The following SLC29A3 variants were observed in gnomAD, a reference collection of about 807,000 sequenced individuals.
SLC29A3 encodes equilibrative nucleoside transporter 3.
SLC29A3 carries 18 observed loss-of-function variants against 25.4 expected under a neutral mutation model. The ratio of observed to expected loss-of-function variants is 0.71; its 90% CI spans 0.49 to 1.05. SLC29A3 has a LOEUF of 1.05. Ranked by LOEUF, SLC29A3 falls within the 50% of genes least tolerant of loss-of-function variation. SLC29A3 has a pLI of 0.00. For synonymous variants in SLC29A3, 258 were observed against 267.1 expected, an observed-to-expected ratio of 0.97 and a Z score of 0.33; for missense variants, 586 against 609.0, an observed-to-expected ratio of 0.96 and a Z score of 0.40.
At chr10:71,367,648 C>T (rs575228871), downstream of SLC29A3, among the ~76,000 whole-genome samples, 31 of 152,354 alleles carry the variant, frequency 2.0e-4, no homozygotes, top group Non-Finnish European at 4.6e-4. Context: ...GCGAACTCAA[C>T]TTCAGGCTTC....
At chr10:71,363,801 CCTTTTTCTTTTCTTTT>C (rs1306665510), downstream of SLC29A3, among the ~76,000 whole-genome samples, 6 of 15,046 alleles carry the variant, frequency 4.0e-4, no homozygotes, top group Admixed American at 2.2e-3. Flanking sequence ...TTCTTTTTTT[CCTTTTTCTTTTCTTTT>C]TTTTTTTTTT....
chr10:71,340,686 G>A (rs1007996302), intron 2 of SLC29A3, among the ~76,000 whole-genome samples: 1 of 152,214 alleles, frequency 6.6e-6, no homozygotes, highest in African/African-American at 2.4e-5. Context: ...GTTTGGAGCT[G>A]TATTCAAATG....
intron 5 of SLC29A3, among the ~76,000 whole-genome samples, chr10:71,356,806 C>T (rs1040379381): frequency 1.3e-5 from 2 of 152,198 alleles, no homozygotes; most frequent in African/African-American, 2.4e-5. Flanking sequence ...GCCTGGGTGA[C>T]GGCAAGACCC....
At chr10:71,379,533 G>A (rs1036370137) in intron 4 of SLC29A3, among the ~76,000 whole-genome samples, 3 of 152,164 alleles carry the variant, frequency 2.0e-5, no homozygotes, top group Non-Finnish European at 4.4e-5. Context: ...CTATCATTCT[G>A]TCTCCCTGTC....
chr10:71,356,011 A>G, intron 4 of SLC29A3, 70 bp from the exon 5 acceptor site: 1 of 1,560,248 alleles, frequency 6.4e-7, no homozygotes, highest in Non-Finnish European at 8.8e-7. Flanking sequence ...AAACCCAAGC[A>G]GGGAGGGGCC....
intron 2 of SLC29A3, among the ~76,000 whole-genome samples, chr10:71,340,176 C>T (rs781678283): frequency 6.6e-6 from 1 of 152,210 alleles, no homozygotes; most frequent in South Asian, 2.1e-4. Context: ...ATGTCTTTGC[C>T]CTGCATCCAC....
intron 4 of SLC29A3, among the ~76,000 whole-genome samples, chr10:71,354,588 C>T (rs975073113): frequency 2.0e-5 from 3 of 152,172 alleles, no homozygotes; most frequent in African/African-American, 4.8e-5. Flanking sequence ...CCCTCTGCTT[C>T]GTGCAATAGT....
chr10:71,370,932 A>G (rs1057304875), intron 3 of SLC29A3, among the ~76,000 whole-genome samples: 1 of 151,984 alleles, frequency 6.6e-6, no homozygotes, highest in Non-Finnish European at 1.5e-5. Context: ...AAACATCTAA[A>G]TTATTTTATT....
chr10:71,372,657 A>G (rs368440678), intron 3 of SLC29A3, among the ~76,000 whole-genome samples: 1 of 152,208 alleles, frequency 6.6e-6, no homozygotes, highest in Admixed American at 6.5e-5. Flanking sequence ...TGAGGGCTTC[A>G]TCTGCTGCTG....
At chr10:71,326,862 C>T (rs997651037) in intron 2 of SLC29A3, among the ~76,000 whole-genome samples, 1 of 152,222 alleles carries the variant, frequency 6.6e-6, no homozygotes. Flanking sequence ...AGACCTGTCA[C>T]CCCTCGATTC....
chr10:71,333,157 G>T (rs1250563492), intron 2 of SLC29A3, among the ~76,000 whole-genome samples: 1 of 152,230 alleles, frequency 6.6e-6, no homozygotes, highest in Non-Finnish European at 1.5e-5. Flanking sequence ...CCACCAAGGA[G>T]CCCAGCGCTT....
intron 2 of SLC29A3, among the ~76,000 whole-genome samples, chr10:71,335,325 C>T (rs868373777): frequency 5.9e-5 from 9 of 152,206 alleles, no homozygotes; most frequent in African/African-American, 1.9e-4. Context: ...CTTGCCTCCA[C>T]GCGCCCCATC....
intron 3 of SLC29A3, 102 bp downstream of exon 3, chr10:71,344,393 G>T: frequency 1.2e-6 from 1 of 860,086 alleles, no homozygotes; most frequent in African/African-American, 1.6e-5. Flanking sequence ...CTTAAGTGGT[G>T]GTCACCAAAG....
chr10:71,373,154 T>C (rs1260672214), intron 3 of SLC29A3, among the ~76,000 whole-genome samples: 3 of 152,152 alleles, frequency 2.0e-5, no homozygotes, highest in Admixed American at 6.5e-5. Context: ...TTGCTGAGAC[T>C]CAAAAAGGGG....
At chr10:71,372,926 G>A (rs1847222365) in intron 3 of SLC29A3, among the ~76,000 whole-genome samples, 1 of 152,114 alleles carries the variant, frequency 6.6e-6, no homozygotes, top group Non-Finnish European at 1.5e-5. Context: ...GGGCGGGGGC[G>A]AGACAGTGAG....
chr10:71,375,142 C>T (rs1847240693), intron 3 of SLC29A3, among the ~76,000 whole-genome samples: 1 of 152,174 alleles, frequency 6.6e-6, no homozygotes, highest in African/African-American at 2.4e-5. Context: ...TTATCCTGCT[C>T]TTAGATCCAT....
intron 3 of SLC29A3, 139 bp downstream of exon 3, chr10:71,344,430 A>G: frequency 1.4e-6 from 1 of 715,620 alleles, no homozygotes. Context: ...AGATTTATGC[A>G]TGAAGAGTGA....
rs546459068 is a variant in SLC29A3, at chr10:71,328,102, G to A, written c.300+5048G>A. On this transcript the variant is annotated intron_variant, in intron 2 of 5. Coordinates refer to ENST00000373189, the MANE Select transcript of SLC29A3 (RefSeq NM_018344.6). ...AGCCGCTCTCTACACCTTCCTTCCT[G>A]TGTACCTCGGTCTGCCCAGGGACTC... 8.5e-5 allele frequency among the ~76,000 whole-genome samples: 13 copies of A among 152,298 alleles called. No homozygotes were observed. The East Asian group carries it at 1.2e-3, about 14-fold the overall frequency.
chr10:71,362,203 G>A lies in SLC29A3; in HGVS notation c.1023G>A (p.Trp341Ter). ...TCAACAAGGGTTCGGGCTCACTGTG[G>A]ACCACCAAGTTTTTCATCCCCCTCA... ...ESLNKGSGSL[W>*]TTKFFIPLTT... is the part of the protein sequence containing the mutation. Residue 341 changes from tryptophan to a stop codon, truncating the protein, a stop_gained, in exon 6 of 6, where the codon TGG (tryptophan) becomes TGA (stop). Transcript: ENST00000373189. LOFTEE classifies it high-confidence loss of function. 6.2e-7 allele frequency: 1 copy of A among 1,614,086 alleles called. No individual in the cohort carries two copies. The highest frequency in any genetic ancestry group is 1.1e-5 in the South Asian group (1 of 91,076).
Sources: allele counts gnomAD v4.1 joint callset (sites outside exome capture counted in the v4.1 genomes callset), GRCh38; gene constraint gnomAD v4.1.1; transcripts MANE v1.5; gene names NCBI Gene and HGNC (gene_info 2026-07-23, HGNC 2026-07-21).